FBXL5: variants seen among roughly 807,000 people sequenced by gnomAD.
FBXL5 encodes the protein F-box/LRR-repeat protein 5.
Under a neutral mutation model 78.3 loss-of-function variants are expected in FBXL5, and 26 were observed. The ratio of observed to expected loss-of-function variants is 0.33; its 90% confidence interval spans 0.24 to 0.46. FBXL5 has a LOEUF of 0.46. Among genes scored for constraint, FBXL5 ranks in the 20% least tolerant of loss-of-function variants. FBXL5 has a pLI of 1.00. For missense variants in FBXL5, 710 were observed against 829.2 expected, an observed-to-expected ratio of 0.86 and a Z score of 1.77; for synonymous variants, 295 against 282.5, an observed-to-expected ratio of 1.04 and a Z score of -0.45.
intron 5 of FBXL5, among the ~76,000 whole-genome samples, chr4:15,635,839 T>C (rs1714197312): frequency 6.6e-6 from 1 of 152,028 alleles, no homozygotes; most frequent in Non-Finnish European, 1.5e-5. Flanking sequence ...ATATTAGTTG[T>C]ATTTAACCCA....
chr4:15,632,487 C>T (rs1713780312), intron 5 of FBXL5, among the ~76,000 whole-genome samples: 2 of 152,156 alleles, frequency 1.3e-5, no homozygotes, highest in East Asian at 3.9e-4. Flanking sequence ...GGCACTGAAT[C>T]TACAAATTAC....
chr4:15,612,305 GAGA>G lies in FBXL5; in HGVS notation c.1957_1959del (p.Ser653del). 6.2e-7 allele frequency: 1 copy of G among 1,611,812 alleles called. No homozygotes were observed. The highest frequency in any genetic ancestry group is 8.5e-7 in the Non-Finnish European group (1 of 1,179,020). On this transcript the variant is annotated inframe_deletion, in exon 10 of 11. Coordinates refer to ENST00000341285, the MANE Select transcript of FBXL5 (RefSeq NM_012161.4). ...CAGTAGTAAAAGTATTCATCATTCA[GAGA>G]AGGACATGCTGAAACCAAATCCTGC...
chr4:15,650,197 C>G (rs1715822108), intron 1 of FBXL5, among the ~76,000 whole-genome samples: 1 of 152,018 alleles, frequency 6.6e-6, no homozygotes, highest in Non-Finnish European at 1.5e-5. Context: ...CACAGGACAG[C>G]CCCCATAAAA....
chr4:15,624,286 G>C (rs1370225448), intron 9 of FBXL5, among the ~76,000 whole-genome samples: 2 of 152,108 alleles, frequency 1.3e-5, no homozygotes, highest in African/African-American at 4.8e-5. Flanking sequence ...CTGCACATCA[G>C]TTTCCACTTA....
rs528907941 is a variant in FBXL5 at position 15,624,114 on chromosome 4, G to A, written c.1850+1138C>T. ...GCTGGGATTACAGACGTGAGCCACC[G>A]CACCCGGCCTGTAATAATTTCATAT... is the stretch of plus-strand genomic sequence containing the variant. On this transcript the variant is annotated intron_variant, in intron 9 of 10. Coordinates refer to ENST00000341285, the MANE Select transcript of FBXL5 (RefSeq NM_012161.4). Among the ~76,000 whole-genome samples the A allele has an allele frequency of 1.7e-4, 26 of 152,108 alleles. No homozygotes were observed. The South Asian group carries it at 5.0e-3, about 29-fold the overall frequency.
In FBXL5 at chr4:15,638,777, G is replaced by C. The variant is rs554217138; in HGVS notation, c.397-83C>G. 3,111 of 845,558 alleles carry C rather than the reference G, an allele frequency of 3.7e-3. 9 individuals are homozygous for C. The highest frequency in any genetic ancestry group is 5.0e-3 in the Non-Finnish European group (2,815 of 564,422). The allele number at this position is 845,558 out of a possible 1,614,324, so 52.4% of individuals were successfully genotyped here. ...AACCCTTTTAAATTATTAATGGCTC[G>C]AATGTCGTATTATGACCATATATCT... On this transcript the variant is annotated intron_variant, in intron 3 of 10. Coordinates refer to ENST00000341285, the MANE Select transcript of FBXL5 (RefSeq NM_012161.4).
chr4:15,625,140 T>C lies in FBXL5; in HGVS notation c.1850+112A>G, dbSNP rs1712898330. ...CTGAAGTAGGGCAGATCTTGGTTAATCCTTTTTGCTAAGTAAATCAACTGA... is the reference window on the plus strand; with the variant it reads ...CTGAAGTAGGGCAGATCTTGGTTAACCCTTTTTGCTAAGTAAATCAACTGA... On this transcript the variant is annotated intron_variant, in intron 9 of 10. Coordinates refer to ENST00000341285, the MANE Select transcript of FBXL5 (RefSeq NM_012161.4). 5 of 1,240,822 alleles carry C rather than the reference T, an allele frequency of 4.0e-6. No homozygotes were observed. In the African/African-American group the frequency reaches 7.8e-5, roughly 19 times the overall value. 76.9% of individuals were successfully genotyped at this position (1,240,822 alleles called of 1,614,324 possible).
At chr4:15,641,729 C>T in intron 2 of FBXL5, 2 of 401,840 alleles carry the variant, frequency 5.0e-6, no homozygotes, top group South Asian at 3.7e-5. Context: ...GTCAACTGTA[C>T]CTGTTAACAT....
intron 8 of FBXL5, among the ~76,000 whole-genome samples, chr4:15,626,483 G>A (rs968127501): frequency 2.6e-5 from 4 of 152,214 alleles, no homozygotes; most frequent in African/African-American, 9.6e-5. Flanking sequence ...TATACTCTGG[G>A]AAGAAGGTGG....
At chr4:15,621,303 T>A (rs1712457141) in intron 9 of FBXL5, among the ~76,000 whole-genome samples, 2 of 152,234 alleles carry the variant, frequency 1.3e-5, no homozygotes, top group Non-Finnish European at 2.9e-5. Flanking sequence ...TATACTTCTA[T>A]ATACTAGCAA....
At chr4:15,606,080 G>C (rs1468973849) in intron 10 of FBXL5, among the ~76,000 whole-genome samples, 1 of 152,060 alleles carries the variant, frequency 6.6e-6, no homozygotes, top group Non-Finnish European at 1.5e-5. Context: ...ATGGAAATGA[G>C]ACAATCCACA....
chr4:15,612,515 G>T, intron 9 of FBXL5, 101 bp from the exon 10 acceptor site: 1 of 1,092,020 alleles, frequency 9.2e-7, no homozygotes, highest in Non-Finnish European at 1.3e-6. Flanking sequence ...TTTCAATATG[G>T]TAATGAGAAA....
intron 9 of FBXL5, among the ~76,000 whole-genome samples, chr4:15,612,633 T>C (rs1315589573): frequency 6.6e-6 from 1 of 152,082 alleles, no homozygotes; most frequent in Non-Finnish European, 1.5e-5. Context: ...AATAAAGAAA[T>C]CTATAAAACT....
intron 9 of FBXL5, among the ~76,000 whole-genome samples, chr4:15,614,921 C>G (rs560298815): frequency 6.6e-6 from 1 of 152,138 alleles, no homozygotes; most frequent in South Asian, 2.1e-4. Context: ...GAGGGACAGG[C>G]GCAAGTGGGA....
Position 15,612,259 on chromosome 4 carries a change from G to C in FBXL5, c.1999+7C>G. The C allele has an allele frequency of 6.4e-7, 1 of 1,568,258 alleles. No homozygotes were observed. Among genetic ancestry groups the C allele is most frequent in the Non-Finnish European group, 8.6e-7 (1 of 1,166,950 alleles). On this transcript the variant is annotated splice_region_variant and intron_variant, in intron 10 of 10. Transcript: ENST00000341285. ...TTCAAAATTATCGCACTGTTAAAAG[G>C]CATTACCGTTAATGTTGTCACAGTA...
At chr4:15,643,609 G>A (rs1237133257) in intron 2 of FBXL5, among the ~76,000 whole-genome samples, 1 of 152,098 alleles carries the variant, frequency 6.6e-6, no homozygotes, top group Non-Finnish European at 1.5e-5. Context: ...TTTTCACTAT[G>A]TTGGCCAGGC....
Position 15,625,532 on chromosome 4 carries a change from C to T in FBXL5, c.1570G>A (p.Asp524Asn), listed in dbSNP as rs777161956. 87 of 1,614,002 alleles carry T rather than the reference C, an allele frequency of 5.4e-5. No individual in the cohort carries two copies. The highest frequency in any genetic ancestry group is 6.8e-5 in the Non-Finnish European group (80 of 1,180,012). The change falls in exon 9 of 11, where the codon GAC becomes AAC. Residue 524 changes from aspartate to asparagine, a missense_variant. By Grantham distance (23) the Asp-to-Asn change is conservative. Around this residue, in one of 4 missense-constraint regions of FBXL5, gnomAD observed 517 missense variants for 542.9 expected, o/e 0.95. Coordinates refer to ENST00000341285, the MANE Select transcript of FBXL5 (RefSeq NM_012161.4). ...SCSTSGCFSK[D>N]IVGLRTSVCW... ...ACACTAGTCCTTAGTCCAACAATGT[C>T]CTTACTAAAACAACCAGAGGTGGAA...
At chr4:15,605,856 A>T (rs1057211685) in intron 10 of FBXL5, 57 bp from the exon 11 acceptor site, 4 of 1,396,078 alleles carry the variant, frequency 2.9e-6, no homozygotes, top group African/African-American at 2.8e-5. Context: ...ACATAAAAAT[A>T]ATTTTGCTTA....
intron 1 of FBXL5, among the ~76,000 whole-genome samples, chr4:15,664,975 G>A (rs902684769): frequency 6.6e-6 from 1 of 152,042 alleles, no homozygotes; most frequent in African/African-American, 2.4e-5. Context: ...TTGAAGTTTA[G>A]AACCTAAACT....
Sources: gnomAD v4.1 joint callset for allele counts (sites outside exome capture counted in the v4.1 genomes callset) on GRCh38, gnomAD v4.1.1 for gene constraint, gnomAD v4.1.1 regional missense constraint, MANE v1.5 for transcripts, NCBI Gene and HGNC (gene_info 2026-07-23, HGNC 2026-07-21) for gene names.